Variants in ATP2A2 observed in about 807,000 individuals in gnomAD.
ATP2A2 encodes ATPase sarcoplasmic/endoplasmic reticulum Ca2+ transporting 2.
ATP2A2 carries 14 observed loss-of-function variants against 109.3 expected under a neutral mutation model. The observed-to-expected ratio is 0.13, with a 90% confidence interval of 0.08 to 0.20. ATP2A2 has a LOEUF of 0.20. Among genes scored for constraint, ATP2A2 ranks in the 10% least tolerant of loss-of-function variants. The pLI, the probability that ATP2A2 is intolerant of heterozygous loss-of-function variation, is 1.00. For synonymous variants in ATP2A2, 506 were observed against 490.9 expected (o/e 1.03, Z -0.41); for missense variants, 657 against 1,321.6 (o/e 0.50, Z 7.80).
At chr12:110,314,761 C>T (rs1156311398) in intron 5 of ATP2A2, among the ~76,000 whole-genome samples, 1 of 151,982 alleles carries the variant, frequency 6.6e-6, no homozygotes. Flanking sequence ...TATTACTATA[C>T]AGCCACTTTT....
rs140234740 is a variant in ATP2A2 at position 110,346,405 on chromosome 12, A to G, written c.3064A>G (p.Ile1022Val). 5.3e-4 allele frequency: 862 copies of G among 1,614,240 alleles called. 4 individuals carry two copies. The highest frequency in any genetic ancestry group is 2.8e-3 in the Middle Eastern group (17 of 6,062). Residue 1022 changes from isoleucine (I) to valine (V), a missense_variant, in exon 20 of 20, where the codon ATA (isoleucine) becomes GTA (valine). This residue lies in a region of ATP2A2 where 53 missense variants were observed against 61.2 expected (regional missense o/e 0.87). Transcript: ENST00000539276. The stretch of plus-strand genomic sequence containing the variant: ...GATTTCCTGGCCGTTTGTGCTGCTC[A>G]TAATGCCCCTGGTGATCTGGGTCTA... The part of the protein sequence containing the change: ...DGISWPFVLL[I>V]MPLVIWVYST...
intron 11 of ATP2A2, among the ~76,000 whole-genome samples, chr12:110,334,611 C>G (rs1878658838): frequency 9.0e-6 from 1 of 111,728 alleles, no homozygotes; most frequent in African/African-American, 3.5e-5. Context: ...TTTTTTGAGA[C>G]AGAGTTTCTC....
At chr12:110,310,245 C>T (rs769214648) in intron 5 of ATP2A2, among the ~76,000 whole-genome samples, 16 of 152,030 alleles carry the variant, frequency 1.1e-4, no homozygotes, top group Non-Finnish European at 2.1e-4. Flanking sequence ...CCTTGGCCTC[C>T]CAAAGTGCTG....
In ATP2A2 at chr12:110,343,599, CAG is replaced by C. The variant is rs1592865379; in HGVS notation, c.2521+168_2521+169del. Among the ~76,000 whole-genome samples, 3 of 152,126 alleles carry C rather than the reference CAG, an allele frequency of 2.0e-5. No individual in the cohort carries two copies. The East Asian group carries it at 5.8e-4, about 29-fold the overall frequency. On this transcript the variant is annotated intron_variant, in intron 16 of 19. Transcript: ENST00000539276. ...TCGATGAACTATACATCCAATTTAC[CAG>C]AGTCCTTTCACAGTTAGTTCCAGTT...
chr12:110,324,802 G>A (rs937911283), intron 6 of ATP2A2, among the ~76,000 whole-genome samples: 1 of 151,500 alleles, frequency 6.6e-6, no homozygotes, highest in Non-Finnish European at 1.5e-5. Context: ...GTTTGAGAGA[G>A]CAGTTATAGT....
At chr12:110,345,777 C>CT (rs1389080236) in intron 18 of ATP2A2, 2 of 634,606 alleles carry the variant, frequency 3.2e-6, no homozygotes, top group Non-Finnish European at 5.7e-6. Flanking sequence ...TTTGAACCCA[C>CT]TAAGATGGGG....
At chr12:110,286,586 CT>C (rs1426682988) in intron 3 of ATP2A2, among the ~76,000 whole-genome samples, 3 of 151,550 alleles carry the variant, frequency 2.0e-5, no homozygotes, top group South Asian at 2.1e-4. Flanking sequence ...CTAATTCATG[CT>C]TTTTTTTCCG....
Position 110,333,189 on chromosome 12 carries a change from A to T in ATP2A2, c.1193A>T (p.Asp398Val). The T allele has an allele frequency of 6.2e-7, 1 of 1,613,754 alleles. No individual in the cohort carries two copies. Among genetic ancestry groups the T allele is most frequent in the East Asian group, 2.2e-5 (1 of 44,890 alleles). The stretch of plus-strand genomic sequence containing the variant: ...GTTTTCTCTTTGGGCAGGCATAAAG[A>T]TGATAAACCAGTGAATTGTCACCAG... ...TYAPIGEVHK[D>V]DKPVNCHQYD... The change falls in exon 10 of 20, where the codon GAT becomes GTT. Residue 398 changes from aspartate to valine, a missense_variant. Physicochemically the swap from Asp to Val is radical, Grantham distance 152 (BLOSUM62 -3). Transcript: ENST00000539276.
In ATP2A2 at chr12:110,347,572, G is replaced by T; in HGVS notation, c.*1102G>T. ...AGAACATAAGGGCAAGTGTGTATGT[G>T]TGTGTATGTGTGTGTTTTGTAAAAT... On this transcript the variant is annotated 3_prime_UTR_variant, in exon 20 of 20. Transcript: ENST00000539276. 1 of 1,252,868 alleles carries T rather than the reference G, an allele frequency of 8.0e-7. No individual in the cohort carries two copies. Among genetic ancestry groups the T allele is most frequent in the African/African-American group, 1.5e-5 (1 of 64,722 alleles). 77.6% of individuals were successfully genotyped at this position (1,252,868 alleles called of 1,614,324 possible).
intron 4 of ATP2A2, chr12:110,296,277 C>T: frequency 2.8e-6 from 1 of 359,804 alleles, no homozygotes; most frequent in Non-Finnish European, 5.3e-6. Context: ...TCTCATGAGA[C>T]AGAATTGATT....
At chr12:110,335,099 CAGT>C (rs939720928) in intron 11 of ATP2A2, among the ~76,000 whole-genome samples, 23 of 152,130 alleles carry the variant, frequency 1.5e-4, no homozygotes, top group African/African-American at 5.3e-4. Flanking sequence ...TGACAAGGGC[CAGT>C]AGCAAGGATG....
rs754873099 is a variant in ATP2A2 at position 110,342,480 on chromosome 12, C to T, written c.2318+32C>T. The T allele has an allele frequency of 1.1e-4, 182 of 1,603,672 alleles. No homozygotes were observed. Among genetic ancestry groups the T allele is most frequent in the Middle Eastern group, 2.1e-4 (1 of 4,738 alleles). On this transcript the variant is annotated intron_variant, in intron 15 of 19. Coordinates refer to ENST00000539276, the MANE Select transcript of ATP2A2 (RefSeq NM_170665.4). The surrounding 1 kb of genome is among the most constrained non-coding windows in gnomAD (Gnocchi z 4.6). ...CTCTGTGACAGCATCACTTACTGTA[C>T]GCCTTTATCTAAATGGGTCATGGAG...
chr12:110,323,271 G>T (rs759525987), intron 6 of ATP2A2, among the ~76,000 whole-genome samples, 199 bp downstream of exon 6: 1 of 152,118 alleles, frequency 6.6e-6, no homozygotes, highest in Non-Finnish European at 1.5e-5. Context: ...TGCAGCCTCC[G>T]CCTCTCAGGT....
intron 5 of ATP2A2, among the ~76,000 whole-genome samples, chr12:110,309,687 C>T (rs1875792694): frequency 6.6e-6 from 1 of 152,006 alleles, no homozygotes; most frequent in Admixed American, 6.6e-5. Flanking sequence ...ATGCAGATCA[C>T]TTGAGTCCAG....
chr12:110,306,918 C>T (rs1482083424), intron 5 of ATP2A2, among the ~76,000 whole-genome samples: 1 of 151,950 alleles, frequency 6.6e-6, no homozygotes, highest in Admixed American at 6.6e-5. Flanking sequence ...CCCACCACGC[C>T]CAACTAATTT....
intron 3 of ATP2A2, among the ~76,000 whole-genome samples, chr12:110,287,654 G>T (rs1872799990): frequency 6.6e-6 from 1 of 152,154 alleles, no homozygotes; most frequent in South Asian, 2.1e-4. Context: ...CTGCTCTGTC[G>T]CCCAGATTGG....
rs368809191 is a variant in ATP2A2 at position 110,342,489 on chromosome 12, C to G, written c.2318+41C>G. 5.6e-5 allele frequency: 90 copies of G among 1,594,124 alleles called. No individual in the cohort carries two copies. The highest frequency in any genetic ancestry group is 7.6e-5 in the Non-Finnish European group (89 of 1,165,224). ...AGCATCACTTACTGTACGCCTTTAT[C>G]TAAATGGGTCATGGAGCCCAGTTCT... On this transcript the variant is annotated intron_variant, in intron 15 of 19. Transcript: ENST00000539276. The surrounding 1 kb of genome is among the most constrained non-coding windows in gnomAD (Gnocchi z 4.6).
chr12:110,297,906 C>T (rs1874140408), intron 5 of ATP2A2, among the ~76,000 whole-genome samples: 1 of 152,032 alleles, frequency 6.6e-6, no homozygotes. Flanking sequence ...TGCCCAGCAG[C>T]CATATTTCTG....
intron 5 of ATP2A2, among the ~76,000 whole-genome samples, chr12:110,307,702 G>C (rs1317256287): frequency 6.6e-6 from 1 of 152,140 alleles, no homozygotes; most frequent in East Asian, 1.9e-4. Context: ...TTTTGTGTGT[G>C]TGTTTGTGTG....
Sources: allele counts gnomAD v4.1 joint callset (sites outside exome capture counted in the v4.1 genomes callset), GRCh38; gene constraint gnomAD v4.1.1; regional missense constraint gnomAD v4.1.1; non-coding constraint Gnocchi (gnomAD v3.1); transcripts MANE v1.5; gene names NCBI Gene and HGNC (gene_info 2026-07-23, HGNC 2026-07-21).